DOC2B: variants seen among roughly 807,000 people sequenced by gnomAD.
DOC2B encodes the protein double C2 domain beta.
A neutral mutation model predicts 28.9 loss-of-function variants in DOC2B; 21 were observed. The ratio of observed to expected loss-of-function variants is 0.73; its 90% CI spans 0.52 to 1.05. The LOEUF is 1.05. Ranked by LOEUF, DOC2B falls within the 50% of genes least tolerant of loss-of-function variation. The pLI, the probability that DOC2B is intolerant of heterozygous loss-of-function variation, is 0.00. For missense variants in DOC2B, 384 were observed against 421.1 expected (o/e 0.91, Z 0.77); for synonymous variants, 194 against 178.1 (o/e 1.09, Z -0.71).
chr17:150,867 T>A (rs1335586697), intron 6 of DOC2B, among the ~76,000 whole-genome samples: 1 of 152,166 alleles, frequency 6.6e-6, no homozygotes, highest in Non-Finnish European at 1.5e-5. Flanking sequence ...TCCTGGTACA[T>A]GCAACTGACA....
At chr17:176,396 G>GA (rs2040370562) in intron 1 of DOC2B, among the ~76,000 whole-genome samples, 2 of 151,166 alleles carry the variant, frequency 1.3e-5, no homozygotes, top group African/African-American at 2.4e-5. Flanking sequence ...GTTGGTGCGG[G>GA]GGGTGCGGGG....
intron 6 of DOC2B, among the ~76,000 whole-genome samples, chr17:151,186 C>T (rs1238305270): frequency 6.6e-6 from 1 of 152,082 alleles, no homozygotes; most frequent in Non-Finnish European, 1.5e-5. Context: ...TGGGAAGATG[C>T]TTGAGCCCAG....
chr17:174,718 A>G (rs1475336517), intron 1 of DOC2B, among the ~76,000 whole-genome samples: 3 of 152,154 alleles, frequency 2.0e-5, no homozygotes, highest in Non-Finnish European at 4.4e-5. Flanking sequence ...AACTCCTATT[A>G]GATTACTTGT....
At chr17:174,654 GC>G (rs1277850159) in intron 1 of DOC2B, among the ~76,000 whole-genome samples, 1 of 152,194 alleles carries the variant, frequency 6.6e-6, no homozygotes, top group Non-Finnish European at 1.5e-5. Context: ...GTCCCGGGTG[GC>G]CCTCTTTTCG....
chr17:147,354 G>A lies in DOC2B; in HGVS notation c.*87C>T, dbSNP rs1187128337. 1.5e-5 allele frequency: 6 copies of A among 398,138 alleles called. No homozygotes were observed. The highest frequency in any genetic ancestry group is 2.2e-5 in the Non-Finnish European group (5 of 225,864). The allele number at this position is 398,138 out of a possible 1,614,324, so 24.7% of individuals were successfully genotyped here. A position where few individuals can be genotyped will look rare whatever the true frequency, so the allele number is the denominator to read the frequency against. ...GTTCTGGATCTCCCCCAGTGTGGGG[G>A]CCACAGGCCTTGGTGGCTGCTGGGG... On this transcript the variant is annotated 3_prime_UTR_variant, in exon 9 of 9. Transcript: ENST00000613549.
In DOC2B at chr17:181,301, G is replaced by C; in HGVS notation, c.179C>G (p.Ala60Gly). Residue 60 changes from alanine (A) to glycine (G), a missense_variant, in exon 1 of 9, where the codon GCG becomes GGG. Transcript: ENST00000613549. This position sits in a 1 kb window ranked among gnomAD's most constrained non-coding sequence, Gnocchi z 7.0. The part of the protein sequence containing the change: ...PRAAAPPDAP[A>G]RPAVAGAGRR... The stretch of plus-strand genomic sequence containing the variant: ...GCCGGCACCGGCCACAGCCGGGCGC[G>C]CGGGGGCGTCCGGGGGTGCAGCGGC... The C allele has an allele frequency of 8.4e-7, 1 of 1,186,234 alleles. No individual in the cohort carries two copies. The highest frequency in any genetic ancestry group is 4.2e-5 in the South Asian group (1 of 24,046). The allele number at this position is 1,186,234 out of a possible 1,614,324, so 73.5% of individuals were successfully genotyped here.
At chr17:179,106 G>A (rs368306855) in intron 1 of DOC2B, among the ~76,000 whole-genome samples, 3 of 152,326 alleles carry the variant, frequency 2.0e-5, no homozygotes, top group South Asian at 4.1e-4. Flanking sequence ...GTGGCACACC[G>A]TCCTCCTTAG....
rs1181834795 is a variant in DOC2B, at chr17:142,923, C to G, written c.*4518G>C. 2.6e-5 allele frequency: 4 copies of G among 152,218 alleles called. No homozygotes were observed. Among genetic ancestry groups the G allele is most frequent in the Non-Finnish European group, 5.9e-5 (4 of 68,034 alleles). 9.4% of individuals were successfully genotyped at this position (152,218 alleles called of 1,614,324 possible). A position where few individuals can be genotyped will look rare whatever the true frequency, so the allele number is the denominator to read the frequency against. Reference sequence around the variant, plus strand: ...AAAATATAAAGTGTGGGGATTGCTACTAGTCCTAATACACTAATCTGTGGT... The same window carrying G: ...AAAATATAAAGTGTGGGGATTGCTAGTAGTCCTAATACACTAATCTGTGGT... On this transcript the variant is annotated 3_prime_UTR_variant, in exon 9 of 9. Coordinates refer to ENST00000613549, the MANE Select transcript of DOC2B (RefSeq NM_003585.5).
At chr17:177,399 C>T (rs1478144609) in intron 1 of DOC2B, among the ~76,000 whole-genome samples, 1 of 152,194 alleles carries the variant, frequency 6.6e-6, no homozygotes, top group East Asian at 1.9e-4. Context: ...TTCTTTGAGC[C>T]ACTTGGCTCT....
At chr17:175,557 CT>C (rs1299658968) in intron 1 of DOC2B, among the ~76,000 whole-genome samples, 2 of 152,262 alleles carry the variant, frequency 1.3e-5, no homozygotes, top group Non-Finnish European at 2.9e-5. Context: ...AATTAGCCCC[CT>C]GAGCACAGGG....
At chr17:180,472 C>T (rs929129862) in intron 1 of DOC2B, among the ~76,000 whole-genome samples, 2 of 152,152 alleles carry the variant, frequency 1.3e-5, no homozygotes, top group African/African-American at 4.8e-5. Context: ...CTGGCGAGGG[C>T]TGCGGCGGGG....
intron 2 of DOC2B, among the ~76,000 whole-genome samples, chr17:166,671 G>A (rs527896573): frequency 3.8e-4 from 58 of 151,986 alleles, no homozygotes; most frequent in African/African-American, 1.3e-3. Context: ...TAGTGAATAC[G>A]TCTCACGAGA....
rs147111458 is a variant in DOC2B at position 155,884 on chromosome 17, C to T, written c.923+336G>A. 408 of 324,534 alleles carry T rather than the reference C, an allele frequency of 1.3e-3. 4 individuals carry two copies. Among genetic ancestry groups the T allele is most frequent in the African/African-American group, 7.5e-3 (350 of 46,776 alleles). The allele number at this position is 324,534 out of a possible 1,614,324, so 20.1% of individuals were successfully genotyped here. ...CCTCCCCCAGCCTCCTGGCTACCCC[C>T]GGCACTGGCCCCGCCTTCTGTCCCC... On this transcript the variant is annotated intron_variant, in intron 6 of 8. Coordinates refer to ENST00000613549, the MANE Select transcript of DOC2B (RefSeq NM_003585.5).
chr17:147,453 C>T lies in DOC2B; in HGVS notation c.1227G>A (p.Val409=). Residue 409 remains valine (V), a synonymous_variant, in exon 9 of 9, where the codon GTG becomes GTA. Transcript: ENST00000613549. The part of the protein sequence containing the change: ...HTLTSELPGA[V]LSD ...TGGCGGGTGGGCGTCAGTCGCTGAG[C>T]ACAGCCCCTGGGAGCTCGCTGGTGA... 2.5e-6 allele frequency: 1 copy of T among 398,824 alleles called. No homozygotes were observed. The highest frequency in any genetic ancestry group is 4.4e-6 in the Non-Finnish European group (1 of 226,186). The allele number at this position is 398,824 out of a possible 1,614,324, so 24.7% of individuals were successfully genotyped here.
chr17:166,364 G>A (rs1555523897), intron 2 of DOC2B, among the ~76,000 whole-genome samples: 1 of 152,274 alleles, frequency 6.6e-6, no homozygotes, highest in Non-Finnish European at 1.5e-5. Context: ...AGGTCGGGAG[G>A]CTGTTTCCAG....
intron 6 of DOC2B, among the ~76,000 whole-genome samples, chr17:153,718 AC>A (rs1245231964): frequency 2.0e-5 from 3 of 151,442 alleles, no homozygotes; most frequent in African/African-American, 7.3e-5. Context: ...AAAAAATCAC[AC>A]CATTTTGGCT....
intron 1 of DOC2B, among the ~76,000 whole-genome samples, chr17:179,386 G>T (rs2040407961): frequency 9.7e-6 from 1 of 102,896 alleles, no homozygotes; most frequent in African/African-American, 3.5e-5. Flanking sequence ...TGCTTTGTGG[G>T]TTCAGAGACA....
At chr17:160,387 A>G (rs1054437248) in intron 5 of DOC2B, among the ~76,000 whole-genome samples, 1 of 152,228 alleles carries the variant, frequency 6.6e-6, no homozygotes, top group Non-Finnish European at 1.5e-5. Flanking sequence ...AAATTGGATC[A>G]AATTCTGCAA....
In DOC2B at chr17:162,168, G is replaced by A. The variant is rs1555523342; in HGVS notation, c.551C>T (p.Thr184Ile). The change falls in exon 4 of 9, where the codon ACT becomes ATT. Residue 184 changes from threonine to isoleucine, a missense_variant. Thr to Ile is a moderately conservative substitution (Grantham distance 89, BLOSUM62 -1). Transcript: ENST00000613549. ...TGTGGGGTTCAGAGTGTTACGGAGAGTTTTTGTTCTGAGCTTATTTGCCTG... is the reference window on the plus strand; with the variant it reads ...TGTGGGGTTCAGAGTGTTACGGAGAATTTTTGTTCTGAGCTTATTTGCCTG... ...ASKANKLRTK[T>I]LRNTLNPTWN... 6 of 1,551,832 alleles carry A rather than the reference G, an allele frequency of 3.9e-6. No individual in the cohort carries two copies. The highest frequency in any genetic ancestry group is 5.2e-6 in the Non-Finnish European group (6 of 1,146,934).
Sources: gnomAD v4.1 joint callset for allele counts (sites outside exome capture counted in the v4.1 genomes callset) on GRCh38, gnomAD v4.1.1 for gene constraint, Gnocchi (gnomAD v3.1) non-coding constraint, MANE v1.5 for transcripts, NCBI Gene and HGNC (gene_info 2026-07-23, HGNC 2026-07-21) for gene names.